NEDD4L: variants seen among roughly 807,000 people sequenced by gnomAD.
NEDD4L encodes the protein E3 ubiquitin-protein ligase NEDD4-like.
NEDD4L carries 54 observed loss-of-function variants against 148.9 expected under a neutral mutation model. The observed-to-expected ratio is 0.36, with a 90% CI of 0.29 to 0.45. The LOEUF is 0.45. NEDD4L is among the 20% of genes least tolerant of loss of function. The probability of loss-of-function intolerance (pLI) is 1.00; values close to 1 mark genes in which losing one functional copy is unlikely to be tolerated. For missense variants in NEDD4L, 856 were observed against 1,233.8 expected (o/e 0.69, Z 4.59); for synonymous variants, 433 against 440.7 (o/e 0.98, Z 0.22).
intron 1 of NEDD4L, among the ~76,000 whole-genome samples, chr18:58,154,302 G>A (rs901102487): frequency 6.6e-6 from 1 of 152,116 alleles, no homozygotes; most frequent in Non-Finnish European, 1.5e-5. Context: ...GGTAAAATTC[G>A]ATTTCAAAGA....
At chr18:58,159,517 C>G (rs1286162143) in intron 1 of NEDD4L, among the ~76,000 whole-genome samples, 1 of 152,072 alleles carries the variant, frequency 6.6e-6, no homozygotes, top group Non-Finnish European at 1.5e-5. Flanking sequence ...GTGCCTTCTG[C>G]TCAATTTTGC....
chr18:58,387,608 C>T, intron 27 of NEDD4L, 110 bp downstream of exon 27: 2 of 1,188,040 alleles, frequency 1.7e-6, no homozygotes, highest in Non-Finnish European at 2.3e-6. Context: ...TAGAGAGTAA[C>T]TTTAGATGAA....
chr18:58,088,001 C>T (rs1049917134), intron 1 of NEDD4L, among the ~76,000 whole-genome samples: 4 of 152,208 alleles, frequency 2.6e-5, no homozygotes, highest in South Asian at 2.1e-4. Context: ...TCATTATGCC[C>T]GCTAGGGCTT....
intron 1 of NEDD4L, among the ~76,000 whole-genome samples, chr18:58,060,807 G>T (rs1259587423): frequency 6.6e-6 from 1 of 152,076 alleles, no homozygotes; most frequent in African/African-American, 2.4e-5. Flanking sequence ...TGCGCAGGCT[G>T]GAGTGCAATG....
At chr18:58,212,514 GA>G (rs1485506705) in intron 2 of NEDD4L, among the ~76,000 whole-genome samples, 1 of 152,096 alleles carries the variant, frequency 6.6e-6, no homozygotes. Flanking sequence ...AACGGCATGG[GA>G]AAAACCTGCA....
Position 58,109,570 on chromosome 18 carries a change from T to TG in NEDD4L, c.49-56218_49-56217insG, listed in dbSNP as rs1555694244. Among the ~76,000 whole-genome samples the TG allele has an allele frequency of 5.5e-3, 794 of 145,084 alleles. 14 individuals carry two copies. The highest frequency in any genetic ancestry group is 0.017 in the African/African-American group (654 of 38,268). On this transcript the variant is annotated intron_variant, in intron 1 of 30. Coordinates refer to ENST00000400345, the MANE Select transcript of NEDD4L (RefSeq NM_001144967.3). ...TGGGAACAACTAGGAGGTTTTTTTT[T>TG]TGTTTTTTTTTTTTTTTTTGAGACG...
At chr18:58,335,159 AT>A (rs1190012914) in intron 12 of NEDD4L, among the ~76,000 whole-genome samples, 1 of 152,074 alleles carries the variant, frequency 6.6e-6, no homozygotes, top group African/African-American at 2.4e-5. Flanking sequence ...GTGTGGGGAG[AT>A]TTCAGAATCT....
chr18:58,119,070 C>T (rs2086050399), intron 1 of NEDD4L, among the ~76,000 whole-genome samples: 1 of 152,202 alleles, frequency 6.6e-6, no homozygotes, highest in African/African-American at 2.4e-5. Context: ...CGAAGTAAAT[C>T]CAATAATGTT....
At chr18:58,144,412 T>G (rs2033890237) in intron 1 of NEDD4L, among the ~76,000 whole-genome samples, 1 of 151,928 alleles carries the variant, frequency 6.6e-6, no homozygotes, top group Non-Finnish European at 1.5e-5. Context: ...GAACTCACCA[T>G]TGCCAGAACA....
intron 1 of NEDD4L, among the ~76,000 whole-genome samples, chr18:58,102,641 AAC>A (rs1451694233): frequency 1.3e-5 from 2 of 152,254 alleles, no homozygotes; most frequent in Non-Finnish European, 2.9e-5. Context: ...ATAACAATAT[AAC>A]AAAAAGTAAT....
chr18:58,185,111 A>G (rs1273970702), intron 2 of NEDD4L, among the ~76,000 whole-genome samples: 1 of 152,160 alleles, frequency 6.6e-6, no homozygotes, highest in Non-Finnish European at 1.5e-5. Context: ...TAGCAGCAGT[A>G]TGGTGCAAAT....
At position 58,341,079 on chromosome 18, in the gene NEDD4L, A is replaced by G. The variant is rs1389145805; in HGVS notation, c.1167A>G (p.Ser389=). 1 of 1,611,436 alleles carries G rather than the reference A, an allele frequency of 6.2e-7. No homozygotes were observed. Among genetic ancestry groups the G allele is most frequent in the Non-Finnish European group, 8.5e-7 (1 of 1,178,868 alleles). The stretch of plus-strand genomic sequence containing the variant: ...TACATACCACGCCGGGTCTGCCTTC[A>G]GGCTGGGAAGAAAGAAAAGATGCTA... The part of the protein sequence containing the change: ...AYVHTTPGLP[S]GWEERKDAKG... Residue 389 remains serine (S), a synonymous_variant, in exon 14 of 31, where the codon TCA becomes TCG. Coordinates refer to ENST00000400345, the MANE Select transcript of NEDD4L (RefSeq NM_001144967.3).
chr18:58,221,282 G>A (rs1324951243), intron 2 of NEDD4L, among the ~76,000 whole-genome samples: 1 of 152,034 alleles, frequency 6.6e-6, no homozygotes, highest in African/African-American at 2.4e-5. Context: ...AAACAGCCCC[G>A]CCAGACATAG....
At chr18:58,111,291 C>T (rs1404967301) in intron 1 of NEDD4L, among the ~76,000 whole-genome samples, 1 of 152,188 alleles carries the variant, frequency 6.6e-6, no homozygotes, top group Non-Finnish European at 1.5e-5. Context: ...TGGTCTTGAA[C>T]TCCTGACCTC....
At chr18:58,211,330 C>T (rs919086746) in intron 2 of NEDD4L, among the ~76,000 whole-genome samples, 2 of 152,058 alleles carry the variant, frequency 1.3e-5, no homozygotes, top group Admixed American at 6.5e-5. Context: ...TCAACAGAAA[C>T]AATTGTCAAG....
intron 5 of NEDD4L, chr18:58,255,552 T>C: frequency 8.1e-7 from 1 of 1,231,600 alleles, no homozygotes; most frequent in Non-Finnish European, 1.0e-6. Context: ...ACACTTTTTC[T>C]TGGAATTTGT....
rs368597288 is a variant in NEDD4L at position 58,341,109 on chromosome 18, G to T, written c.1197G>T (p.Gly399=). The T allele has an allele frequency of 3.1e-6, 5 of 1,612,214 alleles. No individual in the cohort carries two copies. Among genetic ancestry groups the T allele is most frequent in the Non-Finnish European group, 3.4e-6 (4 of 1,179,284 alleles). The part of the protein sequence containing the change: ...SGWEERKDAK[G]RTYYVNHNNR... ...GGGAAGAAAGAAAAGATGCTAAGGG[G>T]CGCACATACTATGTCAATCATAACA... Residue 399 remains glycine, a synonymous_variant, in exon 14 of 31, where the codon GGG becomes GGT. Coordinates refer to ENST00000400345, the MANE Select transcript of NEDD4L (RefSeq NM_001144967.3).
rs138345142 is a variant in NEDD4L at position 58,211,069 on chromosome 18, G to A, written c.123-34358G>A. Among the ~76,000 whole-genome samples, 276 of 152,160 alleles carry A rather than the reference G, an allele frequency of 1.8e-3. 1 individual carries two copies. Among genetic ancestry groups the A allele is most frequent in the African/African-American group, 6.3e-3 (263 of 41,524 alleles). On this transcript the variant is annotated intron_variant, in intron 2 of 30. Coordinates refer to ENST00000400345, the MANE Select transcript of NEDD4L (RefSeq NM_001144967.3). ...CTAATATAGTACAATCTGAGAAAGC[G>A]AACTAGGAATAAAAATAAATTACTT...
chr18:58,051,535 A>G (rs536600407), intron 1 of NEDD4L, among the ~76,000 whole-genome samples: 3 of 152,234 alleles, frequency 2.0e-5, no homozygotes, highest in Non-Finnish European at 2.9e-5. Flanking sequence ...TTAAAATGGC[A>G]TCATGAAAAC....
Sources: allele counts gnomAD v4.1 joint callset (sites outside exome capture counted in the v4.1 genomes callset), GRCh38; gene constraint gnomAD v4.1.1; transcripts MANE v1.5; gene names NCBI Gene and HGNC (gene_info 2026-07-23, HGNC 2026-07-21).